VAMP7: variants seen among roughly 807,000 people sequenced by gnomAD.
The protein encoded by VAMP7 is vesicle associated membrane protein 7.
In VAMP7, 14 loss-of-function variants were observed where a neutral mutation model predicts 29.6. The ratio of observed to expected loss-of-function variants is 0.47; its 90% CI spans 0.31 to 0.74. VAMP7 has a LOEUF of 0.74. Among genes scored for constraint, VAMP7 ranks in the 30% least tolerant of loss-of-function variants. The pLI, the probability that VAMP7 is intolerant of heterozygous loss-of-function variation, is 0.05. For synonymous variants in VAMP7, 95 were observed against 88.1 expected (o/e 1.08, Z -0.44); for missense variants, 223 against 262.4 (o/e 0.85, Z 1.04).
At position 155,942,182 on chromosome X, in the gene VAMP7, G is replaced by C. The variant is rs1278722957; in HGVS notation, c.*231G>C. 11 of 1,534,264 alleles carry C rather than the reference G, an allele frequency of 7.2e-6. No homozygotes were observed. The highest frequency in any genetic ancestry group is 8.8e-6 in the Non-Finnish European group (10 of 1,139,404). ...TCATTGCAGCAGTAGCCTTAAAAAGGCTTTTGTTTATTTCTTTGGTTTGTT... is the reference window on the plus strand; with the variant it reads ...TCATTGCAGCAGTAGCCTTAAAAAGCCTTTTGTTTATTTCTTTGGTTTGTT... On this transcript the variant is annotated 3_prime_UTR_variant, in exon 8 of 8. Transcript: ENST00000286448.
chrX:155,882,258 C>T (rs2065811295), intron 1 of VAMP7, among the ~76,000 whole-genome samples: 1 of 152,118 alleles, frequency 6.6e-6, no homozygotes, highest in Non-Finnish European at 1.5e-5. Context: ...CTTTTAAGTG[C>T]AGGGGATACA....
chrX:155,893,913 A>G (rs1314179534), intron 2 of VAMP7, among the ~76,000 whole-genome samples: 1 of 152,260 alleles, frequency 6.6e-6, no homozygotes, highest in Non-Finnish European at 1.5e-5. Flanking sequence ...TGTTTCAGAG[A>G]GAGCCACTGG....
At chrX:155,930,500 A>G (rs1025130702) in intron 6 of VAMP7, among the ~76,000 whole-genome samples, 2 of 151,488 alleles carry the variant, frequency 1.3e-5, no homozygotes, top group African/African-American at 4.8e-5. Flanking sequence ...AAAAAAAAAA[A>G]AAAAATAGGT....
chrX:155,903,472 T>C (rs748347588), intron 5 of VAMP7, among the ~76,000 whole-genome samples: 63 of 152,116 alleles, frequency 4.1e-4, no homozygotes, highest in Middle Eastern at 3.4e-3. Context: ...AAAGAGCTAA[T>C]ATCCAGAATC....
chrX:155,893,131 T>C (rs2065945169), intron 2 of VAMP7, among the ~76,000 whole-genome samples: 1 of 152,146 alleles, frequency 6.6e-6, no homozygotes, highest in African/African-American at 2.4e-5. Context: ...GATCATACCT[T>C]GTTACCTTTT....
chrX:155,936,975 A>T (rs1257807286), intron 6 of VAMP7, among the ~76,000 whole-genome samples: 1 of 152,196 alleles, frequency 6.6e-6, no homozygotes, highest in Non-Finnish European at 1.5e-5. Flanking sequence ...GACACAAATC[A>T]ATGGAAAGAT....
intron 6 of VAMP7, among the ~76,000 whole-genome samples, chrX:155,936,770 C>A (rs781689642): frequency 1.3e-5 from 2 of 152,264 alleles, no homozygotes; most frequent in African/African-American, 4.8e-5. Context: ...CCGTCTTGTG[C>A]GTTGCTCACG....
chrX:155,894,429 T>C (rs1381790198), intron 2 of VAMP7, among the ~76,000 whole-genome samples: 3 of 151,726 alleles, frequency 2.0e-5, no homozygotes. Flanking sequence ...GTTTATAAAG[T>C]CTTGTATAAC....
intron 6 of VAMP7, among the ~76,000 whole-genome samples, chrX:155,920,144 GGCCTATATAATTTAGC>G (rs1228417681): frequency 2.0e-5 from 3 of 152,148 alleles, no homozygotes; most frequent in Non-Finnish European, 2.9e-5. Flanking sequence ...TTTGGATTGA[GGCCTATATAATTTAGC>G]ACCTCAACTG....
chrX:155,882,255 G>A (rs2065811260), intron 1 of VAMP7, among the ~76,000 whole-genome samples: 1 of 152,130 alleles, frequency 6.6e-6, no homozygotes, highest in South Asian at 2.1e-4. Flanking sequence ...ACTCTTTTAA[G>A]TGCAGGGGAT....
At chrX:155,893,306 A>G (rs1318844021) in intron 2 of VAMP7, among the ~76,000 whole-genome samples, 4 of 152,126 alleles carry the variant, frequency 2.6e-5, no homozygotes, top group Admixed American at 2.6e-4. Context: ...AGCTCAGGAG[A>G]TAGGTCAGAT....
chrX:155,919,773 A>G (rs751286371), intron 5 of VAMP7, 40 bp from the exon 6 acceptor site: 13 of 1,551,560 alleles, frequency 8.4e-6, no homozygotes, highest in South Asian at 2.3e-5. Context: ...TTATTCTACA[A>G]TGGAAAACTT....
chrX:155,900,904 T>A (rs1420517233), intron 5 of VAMP7, among the ~76,000 whole-genome samples: 6 of 152,112 alleles, frequency 3.9e-5, no homozygotes, highest in Non-Finnish European at 8.8e-5. Flanking sequence ...TATCACGGGT[T>A]ACCTAACCTT....
chrX:155,899,786 G>A (rs2066036731), intron 4 of VAMP7, among the ~76,000 whole-genome samples: 1 of 151,984 alleles, frequency 6.6e-6, no homozygotes, highest in Admixed American at 6.6e-5. Flanking sequence ...CTAGATCTGT[G>A]TGACCTTCTG....
intron 6 of VAMP7, among the ~76,000 whole-genome samples, chrX:155,930,664 AT>A (rs200004784): frequency 6.7e-6 from 1 of 149,406 alleles, no homozygotes; most frequent in Admixed American, 6.6e-5. Context: ...AAAAAAAAAA[AT>A]TTTTTTTCTT....
At chrX:155,895,783 C>T (rs778221674) in intron 3 of VAMP7, 103 bp downstream of exon 3, 41 of 894,878 alleles carry the variant, frequency 4.6e-5, no homozygotes, top group East Asian at 1.5e-4. Context: ...GGCTGCAGAC[C>T]GGTACAGGTC....
At chrX:155,936,815 C>T (rs1350324480) in intron 6 of VAMP7, among the ~76,000 whole-genome samples, 4 of 152,084 alleles carry the variant, frequency 2.6e-5, no homozygotes, top group Non-Finnish European at 5.9e-5. Flanking sequence ...TCCTATTTGG[C>T]CATCTTGGAA....
chrX:155,883,798 C>G (rs938280270), intron 1 of VAMP7, among the ~76,000 whole-genome samples: 27 of 151,418 alleles, frequency 1.8e-4, no homozygotes, highest in Admixed American at 8.6e-4. Flanking sequence ...GCAACCTCCG[C>G]CTCCCAGGTT....
chrX:155,932,073 G>C (rs934850600), intron 6 of VAMP7, among the ~76,000 whole-genome samples: 2 of 152,106 alleles, frequency 1.3e-5, no homozygotes, highest in African/African-American at 4.8e-5. Context: ...CTATATCTCT[G>C]TTTTGGTACC....
Sources: allele counts gnomAD v4.1 joint callset (sites outside exome capture counted in the v4.1 genomes callset), GRCh38; gene constraint gnomAD v4.1.1; transcripts MANE v1.5; gene names NCBI Gene and HGNC (gene_info 2026-07-23, HGNC 2026-07-21).